Variants in ZNF302 observed in about 807,000 individuals in gnomAD.
The protein encoded by ZNF302 is zinc finger protein 302.
Under a neutral mutation model 10.8 loss-of-function variants are expected in ZNF302, and 12 were observed. The ratio of observed to expected loss-of-function variants is 1.11; its 90% CI spans 0.71 to 1.79. The LOEUF is 1.79. Ranked by LOEUF, ZNF302 falls within the 40% of genes most tolerant of loss-of-function variation. ZNF302 has a pLI of 0.00. For missense variants in ZNF302, 461 were observed against 471.1 expected, an observed-to-expected ratio of 0.98 and a Z score of 0.20; for synonymous variants, 178 against 157.5, an observed-to-expected ratio of 1.13 and a Z score of -0.98.
At chr19:34,684,080 A>C in intron 4 of ZNF302, 172 bp from the exon 5 acceptor site, 1 of 1,524,998 alleles carries the variant, frequency 6.6e-7, no homozygotes, top group Non-Finnish European at 8.8e-7. Flanking sequence ...AAGTCACTGA[A>C]ATATTTGAGT....
rs1164284714 is a variant in ZNF302, at chr19:34,685,100, C to T, written c.1063C>T (p.His355Tyr). ...ECGKAFCCSS[H>Y]LTQHQRIHSM... The stretch of plus-strand genomic sequence containing the variant: ...TGGGAAAGCTTTCTGCTGTAGCTCA[C>T]ACCTTACTCAACATCAAAGAATTCA... Residue 355 changes from histidine to tyrosine, a missense_variant, in exon 5 of 5, where the codon CAC (histidine) becomes TAC (tyrosine). By Grantham distance (83) the His-to-Tyr change is moderately conservative. Coordinates refer to ENST00000505242, the MANE Select transcript of ZNF302 (RefSeq NM_001289187.2). The T allele has an allele frequency of 4.3e-6, 7 of 1,612,950 alleles. No homozygotes were observed. Among genetic ancestry groups the T allele is most frequent in the Non-Finnish European group, 5.9e-6 (7 of 1,179,654 alleles).
chr19:34,684,202 A>AGGG, intron 4 of ZNF302, 50 bp from the exon 5 acceptor site: 1 of 1,065,952 alleles, frequency 9.4e-7, no homozygotes, highest in Non-Finnish European at 1.2e-6. Context: ...AAAAAAAAAA[A>AGGG]AAAAAAAAAA....
At chr19:34,678,954 G>A in intron 2 of ZNF302, 141 bp downstream of exon 2, 1 of 935,998 alleles carries the variant, frequency 1.1e-6, no homozygotes, top group Non-Finnish European at 1.6e-6. Context: ...AGGAAGAATG[G>A]AGCCCACAGG....
At position 34,685,306 on chromosome 19, in the gene ZNF302, A is replaced by G. The variant is rs2068605565; in HGVS notation, c.*69A>G. On this transcript the variant is annotated 3_prime_UTR_variant, in exon 5 of 5. Coordinates refer to ENST00000505242, the MANE Select transcript of ZNF302 (RefSeq NM_001289187.2). ...ATTTGAGAAATCACATTAGATTGAA[A>G]CCCTACGAATGCAGTATATGTGGGA... The G allele has an allele frequency of 6.2e-7, 1 of 1,613,770 alleles. No homozygotes were observed. The highest frequency in any genetic ancestry group is 1.3e-5 in the African/African-American group (1 of 74,894).
At chr19:34,679,723 T>C (rs2068236593) in intron 2 of ZNF302, 1 of 587,280 alleles carries the variant, frequency 1.7e-6, no homozygotes, top group Non-Finnish European at 3.0e-6. Context: ...TTTTCCACAG[T>C]GTGTGTCACT....
chr19:34,683,067 C>T (rs1481670599), intron 3 of ZNF302, 88 bp from the exon 4 acceptor site: 39 of 1,588,846 alleles, frequency 2.5e-5, no homozygotes, highest in Non-Finnish European at 3.3e-5. Flanking sequence ...AGTGAACACC[C>T]TTCATCCATT....
upstream of ZNF302, chr19:34,676,623 T>G (rs1047586050): frequency 6.6e-6 from 1 of 152,114 alleles, no homozygotes; most frequent in Non-Finnish European, 1.5e-5. Flanking sequence ...CCCATGGATT[T>G]TTTCTTGCGT....
In ZNF302 at chr19:34,685,651, G is replaced by A. The variant is rs1162788122; in HGVS notation, c.*414G>A. 15 of 838,282 alleles carry A rather than the reference G, an allele frequency of 1.8e-5. No individual in the cohort carries two copies. Among genetic ancestry groups the A allele is most frequent in the East Asian group, 9.8e-5 (4 of 40,910 alleles). The allele number at this position is 838,282 out of a possible 1,614,324, so 51.9% of individuals were successfully genotyped here. A position where few individuals can be genotyped will look rare whatever the true frequency, so the allele number is the denominator to read the frequency against. On this transcript the variant is annotated 3_prime_UTR_variant, in exon 5 of 5. Transcript: ENST00000505242. ...ACAGAAGAGAAGCAGTGTTTATCAC[G>A]GTAAACTTCATTCATAGATCCTCCC... is the stretch of plus-strand genomic sequence containing the variant.
rs775988983 is a variant in ZNF302, at chr19:34,684,941, C to T, written c.904C>T (p.Gln302Ter). 69 of 1,614,014 alleles carry T rather than the reference C, an allele frequency of 4.3e-5. No individual in the cohort carries two copies. The highest frequency in any genetic ancestry group is 1.1e-4 in the East Asian group (5 of 44,876). Residue 302 changes from glutamine to a stop codon, truncating the protein, a stop_gained, in exon 5 of 5, where the codon CAG becomes TAG. Transcript: ENST00000505242. LOFTEE classifies it low-confidence loss of function (END_TRUNC). ...TTTTAGTCGTGTGTCCCTTCTCATT[C>T]AGCATCTAAGAATTCATACGCAAGA... The part of the protein sequence containing the change: ...KSFSRVSLLI[Q>*]HLRIHTQEKR...
At chr19:34,684,025 C>T in intron 4 of ZNF302, 1 of 1,505,158 alleles carries the variant, frequency 6.6e-7, no homozygotes, top group Non-Finnish European at 8.9e-7. Context: ...TCTGTTCCTG[C>T]TTCTGTGAAC....
chr19:34,679,769 G>C, intron 2 of ZNF302: 1 of 679,244 alleles, frequency 1.5e-6, no homozygotes, highest in East Asian at 2.7e-5. Flanking sequence ...GTATATGCAC[G>C]TGCTCATTGT....
chr19:34,682,020 G>T (rs1177126561), intron 2 of ZNF302: 1 of 152,206 alleles, frequency 6.6e-6, no homozygotes, highest in Non-Finnish European at 1.5e-5. Flanking sequence ...TTTGGTGCCT[G>T]GGAAGTCCAA....
At position 34,686,135 on chromosome 19, in the gene ZNF302, A is replaced by G. The variant is rs1287403417; in HGVS notation, c.*898A>G. ...AACCTGAAGGATTTAGAAATTACAT[A>G]TAAATCTTTGCAGTTATGCTATTTG... is the stretch of plus-strand genomic sequence containing the variant. On this transcript the variant is annotated 3_prime_UTR_variant, in exon 5 of 5. Coordinates refer to ENST00000505242, the MANE Select transcript of ZNF302 (RefSeq NM_001289187.2). 2.0e-5 allele frequency: 3 copies of G among 152,576 alleles called. No homozygotes were observed. The highest frequency in any genetic ancestry group is 4.4e-5 in the Non-Finnish European group (3 of 68,326). The allele number at this position is 152,576 out of a possible 1,614,324, so 9.5% of individuals were successfully genotyped here.
At chr19:34,683,860 G>T in intron 4 of ZNF302, 1 of 739,050 alleles carries the variant, frequency 1.4e-6, no homozygotes, top group Non-Finnish European at 1.9e-6. Flanking sequence ...TGGAAAAAAA[G>T]GCTATGAAAC....
chr19:34,684,188 A>C (rs2145342155), intron 4 of ZNF302, 64 bp from the exon 5 acceptor site: 2 of 575,420 alleles, frequency 3.5e-6, no homozygotes, highest in African/African-American at 1.1e-4. Context: ...AAAAAAAAAA[A>C]AAAAAAAAAA....
Position 34,684,541 on chromosome 19 carries a change from T to C in ZNF302, c.504T>C (p.Asn168=). Residue 168 remains asparagine (N), a synonymous_variant, in exon 5 of 5, where the codon AAT becomes AAC. Transcript: ENST00000505242. The part of the protein sequence containing the change: ...KKSVIKSERI[N]GGKKLLNSNK... ...CAGTTATAAAAAGTGAGAGAATAAA[T>C]GGTGGAAAGAAACTTTTAAATTCTA... 1 of 1,613,436 alleles carries C rather than the reference T, an allele frequency of 6.2e-7. No individual in the cohort carries two copies. Among genetic ancestry groups the C allele is most frequent in the Non-Finnish European group, 8.5e-7 (1 of 1,179,606 alleles).
At position 34,684,648 on chromosome 19, in the gene ZNF302, G is replaced by A. The variant is rs569556530; in HGVS notation, c.611G>A (p.Ser204Asn). The A allele has an allele frequency of 6.2e-7, 1 of 1,614,078 alleles. No individual in the cohort carries two copies. Among genetic ancestry groups the A allele is most frequent in the East Asian group, 2.2e-5 (1 of 44,888 alleles). The part of the protein sequence containing the change: ...TCNREKIYTC[S>N]ECGKAFGKQS... ...AATAGAGAGAAAATCTATACATGCA[G>A]TGAATGTGGGAAAGCCTTTGGCAAA... Residue 204 changes from serine to asparagine, a missense_variant, in exon 5 of 5, where the codon AGT becomes AAT. Physicochemically the swap from Ser to Asn is conservative, Grantham distance 46 (BLOSUM62 1). Transcript: ENST00000505242.
Position 34,678,100 on chromosome 19 carries a change from A to G in ZNF302, c.-72A>G, listed in dbSNP as rs561989374. ...CTTTCAGTTGTGCAACCTTGAACAA[A>G]TGGGTTCAGTATCTCGGAATTTCAG... On this transcript the variant is annotated 5_prime_UTR_variant, in exon 1 of 5. The change abolishes an upstream ATG in the 5' untranslated region. Transcript: ENST00000505242. The G allele has an allele frequency of 1.3e-4, 20 of 152,364 alleles. No homozygotes were observed. The highest frequency in any genetic ancestry group is 4.6e-4 in the African/African-American group (19 of 41,582). 9.4% of individuals were successfully genotyped at this position (152,364 alleles called of 1,614,324 possible).
chr19:34,684,803 C>G lies in ZNF302; in HGVS notation c.766C>G (p.Pro256Ala). The change falls in exon 5 of 5, where the codon CCT becomes GCT. Residue 256 changes from proline (P) to alanine (A), a missense_variant. Pro to Ala is a conservative substitution (Grantham distance 27). Coordinates refer to ENST00000505242, the MANE Select transcript of ZNF302 (RefSeq NM_001289187.2). The stretch of plus-strand genomic sequence containing the variant: ...TCAGATAAGCCATAGTGGAGAGAAA[C>G]CTTACAAATGCATTGAATGTGGGAA... The part of the protein sequence containing the change: ...RHQISHSGEK[P>A]YKCIECGKAF... 1.2e-6 allele frequency: 2 copies of G among 1,613,960 alleles called. No homozygotes were observed. Among genetic ancestry groups the G allele is most frequent in the Non-Finnish European group, 1.7e-6 (2 of 1,179,878 alleles).
Sources: allele counts gnomAD v4.1 joint callset, GRCh38; gene constraint gnomAD v4.1.1; transcripts MANE v1.5; gene names NCBI Gene and HGNC (gene_info 2026-07-23, HGNC 2026-07-21).